Variants in ANKS1B observed in about 807,000 individuals in gnomAD.
ANKS1B encodes ankyrin repeat and sterile alpha motif domain containing 1B.
A neutral mutation model predicts 148.3 loss-of-function variants in ANKS1B; 36 were observed. That is an observed-to-expected ratio of 0.24 (90% CI 0.19 to 0.32). ANKS1B has a LOEUF of 0.32. Ranked by LOEUF, ANKS1B falls within the 10% of genes least tolerant of loss-of-function variation. The pLI, the probability that ANKS1B is intolerant of heterozygous loss-of-function variation, is 1.00. For synonymous variants in ANKS1B, 542 were observed against 560.8 expected, an observed-to-expected ratio of 0.97 and a Z score of 0.47; for missense variants, 1,157 against 1,542.6, an observed-to-expected ratio of 0.75 and a Z score of 4.19.
At chr12:98,877,630 G>A (rs778053575) in intron 17 of ANKS1B, among the ~76,000 whole-genome samples, 1 of 152,158 alleles carries the variant, frequency 6.6e-6, no homozygotes, top group African/African-American at 2.4e-5. Context: ...TTGGTTTTGG[G>A]AACGTAGTTT....
intron 9 of ANKS1B, among the ~76,000 whole-genome samples, chr12:99,555,361 A>G (rs1753050111): frequency 6.6e-6 from 1 of 152,136 alleles, no homozygotes; most frequent in Non-Finnish European, 1.5e-5. Context: ...ATGGTTTTCT[A>G]GATATGGAAT....
rs2098295461 is a variant in ANKS1B at position 98,757,936 on chromosome 12, ACG to A, written c.3580-6416_3580-6415del. 2.3e-5 allele frequency among the ~76,000 whole-genome samples: 3 copies of A among 128,066 alleles called. No individual in the cohort carries two copies. In the South Asian group the frequency reaches 8.7e-4, roughly 37 times the overall value. 84.0% of individuals were successfully genotyped at this position (128,066 alleles called of 152,430 possible). ...GAGCTGCATGTGTGTGCATGTGTGC[ACG>A]TGTGTGTGTGTGTGTGTGTGCACAC... On this transcript the variant is annotated intron_variant, in intron 25 of 26. Coordinates refer to ENST00000683438, the MANE Select transcript of ANKS1B (RefSeq NM_001352186.2).
At chr12:99,146,377 T>C (rs2073095510) in intron 15 of ANKS1B, among the ~76,000 whole-genome samples, 2 of 152,028 alleles carry the variant, frequency 1.3e-5, no homozygotes, top group South Asian at 2.1e-4. Context: ...GACGGCAGGA[T>C]AGTGTTGGGG....
chr12:99,607,659 C>T lies in ANKS1B; in HGVS notation c.1272+47408G>A, dbSNP rs189755403. Among the ~76,000 whole-genome samples, 157 of 152,164 alleles carry T rather than the reference C, an allele frequency of 1.0e-3. 3 individuals are homozygous for T. Among genetic ancestry groups the T allele is most frequent in the Admixed American group, 8.4e-3 (129 of 15,278 alleles). ...GGGACACGTTACCTGCTCCAGATGG[C>T]TAGAGCTTTTTACCAATTTGTATGG... On this transcript the variant is annotated intron_variant, in intron 9 of 26. Coordinates refer to ENST00000683438, the MANE Select transcript of ANKS1B (RefSeq NM_001352186.2).
chr12:99,718,118 T>G (rs939797915), intron 8 of ANKS1B, among the ~76,000 whole-genome samples: 4 of 151,880 alleles, frequency 2.6e-5, no homozygotes, highest in African/African-American at 9.7e-5. Flanking sequence ...TTAGCCAGGA[T>G]GGTCTCGATC....
chr12:99,069,546 T>G (rs1458916097), intron 16 of ANKS1B, among the ~76,000 whole-genome samples: 1 of 152,238 alleles, frequency 6.6e-6, no homozygotes, highest in South Asian at 2.1e-4. Flanking sequence ...TTTTAACCTG[T>G]CAGGACTCTG....
chr12:98,856,207 T>A (rs772269505), intron 17 of ANKS1B, among the ~76,000 whole-genome samples: 4 of 152,256 alleles, frequency 2.6e-5, no homozygotes, highest in Non-Finnish European at 5.9e-5. Context: ...ATTTGCATTT[T>A]ATGATGTATA....
intron 20 of ANKS1B, among the ~76,000 whole-genome samples, chr12:98,807,554 T>G (rs1035385333): frequency 7.9e-5 from 12 of 152,158 alleles, no homozygotes; most frequent in African/African-American, 2.9e-4. Flanking sequence ...CTTTTTCCTG[T>G]AAAAGCAAGT....
chr12:99,560,022 G>A (rs930173618), intron 9 of ANKS1B, among the ~76,000 whole-genome samples: 1 of 152,254 alleles, frequency 6.6e-6, no homozygotes, highest in African/African-American at 2.4e-5. Context: ...AGAATTTTAC[G>A]TGATATAGAA....
chr12:99,280,934 C>A (rs1309886053), intron 12 of ANKS1B, among the ~76,000 whole-genome samples: 1 of 151,810 alleles, frequency 6.6e-6, no homozygotes, highest in South Asian at 2.1e-4. Context: ...CACATACACA[C>A]ACACACACAC....
At chr12:99,824,455 G>C (rs1235788856) in intron 2 of ANKS1B, among the ~76,000 whole-genome samples, 1 of 151,538 alleles carries the variant, frequency 6.6e-6, no homozygotes, top group African/African-American at 2.4e-5. Flanking sequence ...AGCCACGATT[G>C]TGCCACTGCA....
rs2058932932 is a variant in ANKS1B at position 99,729,502 on chromosome 12, C to A, written c.1128+43420G>T. On this transcript the variant is annotated intron_variant, in intron 8 of 26. Transcript: ENST00000683438. ...AGAATTTCTATTTGATTTTTTTAAT[C>A]ATTTCTCTCTATTGATATTCTCTAT... Among the ~76,000 whole-genome samples, 3 of 151,726 alleles carry A rather than the reference C, an allele frequency of 2.0e-5. No individual in the cohort carries two copies. In the South Asian group the frequency reaches 6.2e-4, roughly 32 times the overall value.
Position 99,528,444 on chromosome 12 carries a change from CA to C in ANKS1B, c.1273-23804del, listed in dbSNP as rs1276451213. ...ACAAAAACAAAAACAAAAAAAAAAA[CA>C]AAAAAAAAACCATCAACAGAGTAAA... On this transcript the variant is annotated intron_variant, in intron 9 of 26. Coordinates refer to ENST00000683438, the MANE Select transcript of ANKS1B (RefSeq NM_001352186.2). Among the ~76,000 whole-genome samples the C allele has an allele frequency of 2.0e-3, 248 of 123,590 alleles. 1 individual carries two copies. The highest frequency in any genetic ancestry group is 3.3e-3 in the South Asian group (11 of 3,370). The allele number at this position is 123,590 out of a possible 152,430, so 81.1% of individuals were successfully genotyped here.
chr12:99,306,990 C>A (rs1451003915), intron 12 of ANKS1B, among the ~76,000 whole-genome samples: 8 of 152,042 alleles, frequency 5.3e-5, no homozygotes, highest in Admixed American at 5.3e-4. Flanking sequence ...GTAGCATCCA[C>A]AACTTTGGAA....
At chr12:99,335,242 A>G (rs549575923) in intron 12 of ANKS1B, among the ~76,000 whole-genome samples, 38 of 151,840 alleles carry the variant, frequency 2.5e-4, no homozygotes, top group Non-Finnish European at 4.3e-4. Flanking sequence ...GTAGATGTAT[A>G]TATTTATGGG....
At chr12:99,688,400 T>G (rs537030435) in intron 8 of ANKS1B, among the ~76,000 whole-genome samples, 32 of 152,370 alleles carry the variant, frequency 2.1e-4, no homozygotes, top group Middle Eastern at 3.4e-3. Flanking sequence ...TTTACAGACA[T>G]GTATCGCCTA....
At chr12:98,845,612 T>C (rs1372956703) in intron 17 of ANKS1B, among the ~76,000 whole-genome samples, 1 of 152,188 alleles carries the variant, frequency 6.6e-6, no homozygotes, top group African/African-American at 2.4e-5. Flanking sequence ...TCACCATTAT[T>C]TCCAAATCCT....
intron 15 of ANKS1B, among the ~76,000 whole-genome samples, chr12:99,121,318 G>GGGGTCTGTGTGTGTGTGTGTGT: frequency 9.4e-6 from 1 of 105,978 alleles, no homozygotes; most frequent in South Asian, 2.9e-4. Flanking sequence ...TGTGTATGTA[G>GGGGTCTGTGTGTGTGTGTGTGT]GTATGTGTGT....
chr12:99,213,583 G>A (rs1010140411), intron 14 of ANKS1B, among the ~76,000 whole-genome samples: 1 of 152,238 alleles, frequency 6.6e-6, no homozygotes, highest in South Asian at 2.1e-4. Context: ...TAATGGGGAT[G>A]TGTATATGGA....
Sources: gnomAD v4.1 joint callset for allele counts (sites outside exome capture counted in the v4.1 genomes callset) on GRCh38, gnomAD v4.1.1 for gene constraint, MANE v1.5 for transcripts, NCBI Gene and HGNC (gene_info 2026-07-23, HGNC 2026-07-21) for gene names.